Variants in PIK3CB observed in about 807,000 individuals in gnomAD.
PIK3CB encodes phosphatidylinositol-4,5-bisphosphate 3-kinase catalytic subunit beta, also known as phosphatidylinositol 4,5-bisphosphate 3-kinase catalytic subunit beta isoform.
PIK3CB carries 39 observed loss-of-function variants against 136.8 expected under a neutral mutation model. That is an observed-to-expected ratio of 0.29 (90% CI 0.22 to 0.37). The LOEUF is 0.37. Among genes scored for constraint, PIK3CB ranks in the 10% least tolerant of loss-of-function variants. The pLI, the probability that PIK3CB is intolerant of heterozygous loss-of-function variation, is 1.00. For missense variants in PIK3CB, 868 were observed against 1,275.4 expected (o/e 0.68, Z 4.87); for synonymous variants, 428 against 436.6 (o/e 0.98, Z 0.25).
chr3:138,822,388 A>T lies in PIK3CB; in HGVS notation c.-122+12307T>A, dbSNP rs1397860502. On this transcript the variant is annotated intron_variant, in intron 1 of 23. Coordinates refer to ENST00000674063, the MANE Select transcript of PIK3CB (RefSeq NM_006219.3). Reference sequence around the variant, plus strand: ...CGGTGAAGCCCTGTCTCTACTAAAAAATACAAAAGTTAGCCGGGCATGGTG... The same window carrying T: ...CGGTGAAGCCCTGTCTCTACTAAAATATACAAAAGTTAGCCGGGCATGGTG... 2.0e-5 allele frequency among the ~76,000 whole-genome samples: 3 copies of T among 151,912 alleles called. No individual in the cohort carries two copies. In the East Asian group the frequency reaches 5.8e-4, roughly 29 times the overall value.
At chr3:138,759,035 CTAA>C in intron 3 of PIK3CB, 135 bp downstream of exon 3, 1 of 503,862 alleles carries the variant, frequency 2.0e-6, no homozygotes, top group East Asian at 3.3e-5. Flanking sequence ...CTAACATAAA[CTAA>C]TTTTTCTTAA....
intron 8 of PIK3CB, among the ~76,000 whole-genome samples, chr3:138,723,785 A>AT (rs2044782325): frequency 6.6e-6 from 1 of 152,054 alleles, no homozygotes; most frequent in African/African-American, 2.4e-5. Flanking sequence ...TAAGATATGA[A>AT]TTTTTTTCAC....
At chr3:138,792,916 T>C (rs2046068802) in intron 2 of PIK3CB, among the ~76,000 whole-genome samples, 1 of 152,206 alleles carries the variant, frequency 6.6e-6, no homozygotes, top group Non-Finnish European at 1.5e-5. Context: ...TAGCCAATAT[T>C]ACACGTGTGT....
intron 12 of PIK3CB, among the ~76,000 whole-genome samples, chr3:138,703,501 C>T (rs2044297467): frequency 6.7e-6 from 1 of 150,094 alleles, no homozygotes; most frequent in Non-Finnish European, 1.5e-5. Context: ...CAAAGTCAAA[C>T]TAGAAAGAGC....
At chr3:138,740,245 G>C (rs1203843298) in intron 5 of PIK3CB, among the ~76,000 whole-genome samples, 1 of 152,160 alleles carries the variant, frequency 6.6e-6, no homozygotes, top group Non-Finnish European at 1.5e-5. Flanking sequence ...TATAGTCCCA[G>C]CTACTCAGGA....
At chr3:138,732,248 CT>C (rs1484144020) in intron 8 of PIK3CB, among the ~76,000 whole-genome samples, 1 of 152,062 alleles carries the variant, frequency 6.6e-6, no homozygotes, top group African/African-American at 2.4e-5. Flanking sequence ...TAACTATAGT[CT>C]TCATGTTGTA....
rs1430207706 is a variant in PIK3CB at position 138,717,754 on chromosome 3, C to T, written c.1051-3035G>A. On this transcript the variant is annotated intron_variant, in intron 8 of 23. Transcript: ENST00000674063. ...CTTCTTTGTGTTCATAAGTTCTTAT[C>T]ATTTAGCTTCCTTATAAGTGAGAAC... Among the ~76,000 whole-genome samples, 3 of 152,126 alleles carry T rather than the reference C, an allele frequency of 2.0e-5. No homozygotes were observed. In the East Asian group the frequency reaches 5.8e-4, roughly 29 times the overall value.
intron 8 of PIK3CB, among the ~76,000 whole-genome samples, chr3:138,727,736 T>A (rs765904233): frequency 5.9e-5 from 9 of 152,190 alleles, no homozygotes; most frequent in Non-Finnish European, 1.2e-4. Flanking sequence ...TTTATGCCAA[T>A]AAACAACAAC....
chr3:138,713,086 C>T (rs1352565858), intron 9 of PIK3CB, among the ~76,000 whole-genome samples: 1 of 151,776 alleles, frequency 6.6e-6, no homozygotes, highest in Non-Finnish European at 1.5e-5. Flanking sequence ...TAATCAAACA[C>T]TTTGAGGATA....
chr3:138,796,384 C>CAAAAAAA (rs71626081), intron 2 of PIK3CB, 79 bp downstream of exon 2: 2 of 66,686 alleles, frequency 3.0e-5, no homozygotes, highest in Non-Finnish European at 5.6e-5. Flanking sequence ...GACTCCACCT[C>CAAAAAAA]AAAAAAAAAA....
intron 8 of PIK3CB, among the ~76,000 whole-genome samples, chr3:138,728,999 G>A (rs2044907353): frequency 6.6e-6 from 1 of 152,118 alleles, no homozygotes; most frequent in Non-Finnish European, 1.5e-5. Flanking sequence ...CAAGATGGCA[G>A]GCTGGGCATA....
rs113348228 is a variant in PIK3CB, at chr3:138,805,832, C to T, written c.-121-9265G>A. 5.9e-5 allele frequency among the ~76,000 whole-genome samples: 9 copies of T among 151,608 alleles called. No homozygotes were observed. In the East Asian group the frequency reaches 8.0e-4, roughly 14 times the overall value. On this transcript the variant is annotated intron_variant, in intron 1 of 23. Coordinates refer to ENST00000674063, the MANE Select transcript of PIK3CB (RefSeq NM_006219.3). ...GAAACCTCCCCATCCCCGGTCCAAG[C>T]GATTCTCCTGCCTCAGCTTCCTGAG...
intron 2 of PIK3CB, among the ~76,000 whole-genome samples, chr3:138,782,263 G>A (rs996546228): frequency 3.3e-5 from 5 of 152,216 alleles, no homozygotes; most frequent in African/African-American, 1.2e-4. Flanking sequence ...TAAAGCCACA[G>A]AGCTGTGAAG....
rs1934026642 is a variant in PIK3CB at position 138,831,291 on chromosome 3, T to TAAATTA, written c.-122+3398_-122+3403dup. Among the ~76,000 whole-genome samples, 3 of 134,526 alleles carry TAAATTA rather than the reference T, an allele frequency of 2.2e-5. No individual in the cohort carries two copies. The South Asian group carries it at 6.9e-4, about 31-fold the overall frequency. 88.3% of individuals were successfully genotyped at this position (134,526 alleles called of 152,430 possible). ...AAAATAAAATAAAATAAAATTAAATTAAATTAAAATTAAAAATAGTGCTAG... is the reference window on the plus strand; with the variant it reads ...AAAATAAAATAAAATAAAATTAAATTAAATTAAAATTAAAATTAAAAATAGTGCTAG... On this transcript the variant is annotated intron_variant, in intron 1 of 23. Transcript: ENST00000674063.
intron 19 of PIK3CB, among the ~76,000 whole-genome samples, chr3:138,669,180 G>A (rs2043476563): frequency 6.6e-6 from 1 of 152,134 alleles, no homozygotes; most frequent in Non-Finnish European, 1.5e-5. Context: ...GGGAGGCCAA[G>A]GTGGGCGGAC....
chr3:138,702,853 T>C (rs2044283986), intron 12 of PIK3CB, among the ~76,000 whole-genome samples: 1 of 152,218 alleles, frequency 6.6e-6, no homozygotes, highest in African/African-American at 2.4e-5. Flanking sequence ...CTCTTACTTC[T>C]TAGAGATTCC....
chr3:138,700,663 G>A (rs1577091402), intron 12 of PIK3CB, among the ~76,000 whole-genome samples: 3 of 151,810 alleles, frequency 2.0e-5, no homozygotes, highest in Admixed American at 6.6e-5. Flanking sequence ...ACTCCAGCCC[G>A]GGCAACAGAG....
intron 4 of PIK3CB, among the ~76,000 whole-genome samples, chr3:138,754,100 T>C (rs1387386174): frequency 6.6e-6 from 1 of 152,186 alleles, no homozygotes; most frequent in East Asian, 1.9e-4. Flanking sequence ...CATATATTCT[T>C]CAACTTTTTA....
intron 12 of PIK3CB, among the ~76,000 whole-genome samples, chr3:138,703,315 C>A (rs1051638410): frequency 3.9e-5 from 6 of 152,200 alleles, no homozygotes; most frequent in Non-Finnish European, 8.8e-5. Context: ...CCAGACATTT[C>A]ACCAACTGGC....
Sources: gnomAD v4.1 joint callset for allele counts (sites outside exome capture counted in the v4.1 genomes callset) on GRCh38, gnomAD v4.1.1 for gene constraint, MANE v1.5 for transcripts, NCBI Gene and HGNC (gene_info 2026-07-23, HGNC 2026-07-21) for gene names.